The following PACSIN3 variants were observed in gnomAD, a reference collection of about 807,000 sequenced individuals.
The protein encoded by PACSIN3 is protein kinase C and casein kinase substrate in neurons 3.
In PACSIN3, 34 loss-of-function variants were observed where a neutral mutation model predicts 56.1. That is an observed-to-expected ratio of 0.61 (90% CI 0.46 to 0.81). The LOEUF is 0.81. PACSIN3 is among the 30% of genes least tolerant of loss of function. PACSIN3 has a pLI of 0.00. For missense variants in PACSIN3, 535 were observed against 592.4 expected, an observed-to-expected ratio of 0.90 and a Z score of 1.01; for synonymous variants, 218 against 229.8, an observed-to-expected ratio of 0.95 and a Z score of 0.46.
rs1953117355 is a variant in PACSIN3 at position 47,186,187 on chromosome 11, GCGGCTACGGCCCTTC to G, written c.-104+147_-104+161del. ...ACCGCAGATGGGACGGCCCCTCGGC[GCGGCTACGGCCCTTC>G]CCGTCGGCACGCAGAGCGGGGTGGC... On this transcript the variant is annotated intron_variant, in intron 1 of 10. Transcript: ENST00000298838. The surrounding 1 kb of genome is among the most constrained non-coding windows in gnomAD (Gnocchi z 4.5). Among the ~76,000 whole-genome samples, 2 of 151,934 alleles carry G rather than the reference GCGGCTACGGCCCTTC, an allele frequency of 1.3e-5. No individual in the cohort carries two copies. Among genetic ancestry groups the G allele is most frequent in the Non-Finnish European group, 2.9e-5 (2 of 67,906 alleles).
intron 5 of PACSIN3, 49 bp downstream of exon 5, chr11:47,180,406 A>C: frequency 6.3e-7 from 1 of 1,596,094 alleles, no homozygotes; most frequent in South Asian, 1.1e-5. Flanking sequence ...ATCCCTTGCA[A>C]ACAAACAGGA....
In PACSIN3 at chr11:47,182,668, G is replaced by C; in HGVS notation, c.54+6C>G. ...AAGTAGCTGAGCCCAGGACCCAGCTGCTCACCTCCCAGAAACTGCCCCCTA... is the reference window on the plus strand; with the variant it reads ...AAGTAGCTGAGCCCAGGACCCAGCTCCTCACCTCCCAGAAACTGCCCCCTA... On this transcript the variant is annotated splice_donor_region_variant and intron_variant, in intron 3 of 10. Coordinates refer to ENST00000298838, the MANE Select transcript of PACSIN3 (RefSeq NM_016223.5). 1 of 1,611,058 alleles carries C rather than the reference G, an allele frequency of 6.2e-7. No homozygotes were observed. The highest frequency in any genetic ancestry group is 8.5e-7 in the Non-Finnish European group (1 of 1,178,420).
At chr11:47,183,160 G>C (rs1953061365) in intron 1 of PACSIN3, 91 bp from the exon 2 acceptor site, 1 of 156,606 alleles carries the variant, frequency 6.4e-6, no homozygotes, top group Admixed American at 6.5e-5. Flanking sequence ...GCTGTCAGAA[G>C]CGCCGGATTC....
chr11:47,180,775 G>T (rs573223455), intron 4 of PACSIN3, 85 bp from the exon 5 acceptor site: 2 of 1,090,370 alleles, frequency 1.8e-6, no homozygotes, highest in South Asian at 1.5e-5. Flanking sequence ...AGGCATGGAG[G>T]CATGGGGTAC....
chr11:47,182,639 A>G, intron 3 of PACSIN3, 35 bp downstream of exon 3: 2 of 1,607,408 alleles, frequency 1.2e-6, no homozygotes, highest in South Asian at 2.2e-5. Flanking sequence ...CTCCTCCCCT[A>G]GACAAGTAGC....
intron 4 of PACSIN3, 98 bp from the exon 5 acceptor site, chr11:47,180,788 G>A (rs1283793101): frequency 2.0e-5 from 18 of 886,420 alleles, no homozygotes; most frequent in Non-Finnish European, 2.9e-5. Context: ...TGGGGTACGC[G>A]CATGGGGTGC....
In PACSIN3 at chr11:47,179,937, T is replaced by C. The variant is rs888055035; in HGVS notation, c.603+249A>G. On this transcript the variant is annotated intron_variant, in intron 6 of 10. Transcript: ENST00000298838. This position sits in a 1 kb window ranked among gnomAD's most constrained non-coding sequence, Gnocchi z 4.4. ...AAAGGACACTTCGGGCAAAGGGTAC[T>C]GTGCAAGGAAAAGAGCTGGAAGTTC... 2.6e-5 allele frequency among the ~76,000 whole-genome samples: 4 copies of C among 152,208 alleles called. No homozygotes were observed. The highest frequency in any genetic ancestry group is 5.9e-5 in the Non-Finnish European group (4 of 68,040).
chr11:47,178,304 C>T lies in PACSIN3; in HGVS notation c.1159+62G>A, dbSNP rs1257341900. The T allele has an allele frequency of 1.3e-6, 2 of 1,591,850 alleles. No individual in the cohort carries two copies. The highest frequency in any genetic ancestry group is 2.7e-5 in the African/African-American group (2 of 74,418). Reference sequence around the variant, plus strand: ...AGAAGTGGGTATTTGGCTTCCCTTTCTGACACCCCTGCTCAGGCAGATAAG... The same window carrying T: ...AGAAGTGGGTATTTGGCTTCCCTTTTTGACACCCCTGCTCAGGCAGATAAG... On this transcript the variant is annotated intron_variant, in intron 10 of 10. Coordinates refer to ENST00000298838, the MANE Select transcript of PACSIN3 (RefSeq NM_016223.5). This position sits in a 1 kb window ranked among gnomAD's most constrained non-coding sequence, Gnocchi z 4.2.
chr11:47,181,572 T>G (rs1443286129), intron 4 of PACSIN3, among the ~76,000 whole-genome samples: 1 of 150,926 alleles, frequency 6.6e-6, no homozygotes, highest in East Asian at 2.0e-4. Context: ...GCCTGTAATC[T>G]CAGCACTTTG....
chr11:47,182,527 C>A lies in PACSIN3; in HGVS notation c.87G>T (p.Val29=). The A allele has an allele frequency of 6.2e-7, 1 of 1,613,200 alleles. No individual in the cohort carries two copies. The highest frequency in any genetic ancestry group is 8.5e-7 in the Non-Finnish European group (1 of 1,179,842). The change falls in exon 4 of 11, where the codon GTG becomes GTT. Residue 29 remains valine (V), a synonymous_variant. Coordinates refer to ENST00000298838, the MANE Select transcript of PACSIN3 (RefSeq NM_016223.5). The part of the protein sequence containing the change: ...AGNYRRTVQR[V]EDGHRLCGDL... ...CCCCGCACAGCCGGTGCCCGTCCTC[C>A]ACCCGCTGTACCGTGCGCCTGTAGT... is the stretch of plus-strand genomic sequence containing the variant.
chr11:47,182,848 G>GC, intron 2 of PACSIN3, 84 bp from the exon 3 acceptor site: 3 of 1,000,834 alleles, frequency 3.0e-6, no homozygotes, highest in Non-Finnish European at 1.4e-6. Context: ...CCTGGGCCTC[G>GC]CCCCACTGCC....
In PACSIN3 at chr11:47,179,617, C is replaced by T. The variant is rs535287709; in HGVS notation, c.604-31G>A. On this transcript the variant is annotated intron_variant, in intron 6 of 10. Coordinates refer to ENST00000298838, the MANE Select transcript of PACSIN3 (RefSeq NM_016223.5). The surrounding 1 kb of genome is among the most constrained non-coding windows in gnomAD (Gnocchi z 4.4). ...TGGGAGAGGAGGGGCCTGGTGAGAA[C>T]CAGACCTTCTTCCACCCAGGACTCC... 1 of 1,602,968 alleles carries T rather than the reference C, an allele frequency of 6.2e-7. No individual in the cohort carries two copies. Among genetic ancestry groups the T allele is most frequent in the African/African-American group, 1.3e-5 (1 of 74,734 alleles).
At position 47,180,168 on chromosome 11, in the gene PACSIN3, G is replaced by A. The variant is rs1367059157; in HGVS notation, c.603+18C>T. 1.3e-6 allele frequency: 2 copies of A among 1,598,636 alleles called. No individual in the cohort carries two copies. The highest frequency in any genetic ancestry group is 1.7e-5 in the Admixed American group (1 of 59,952). On this transcript the variant is annotated intron_variant, in intron 6 of 10. Coordinates refer to ENST00000298838, the MANE Select transcript of PACSIN3 (RefSeq NM_016223.5). Reference sequence around the variant, plus strand: ...CGTGCCCTGGGCGGGGGCCAGGGCTGGGACCTGTGGCCTGTACCTTCTCGG... The same window carrying A: ...CGTGCCCTGGGCGGGGGCCAGGGCTAGGACCTGTGGCCTGTACCTTCTCGG...
intron 4 of PACSIN3, among the ~76,000 whole-genome samples, chr11:47,181,142 G>A (rs1953017264): frequency 6.6e-6 from 1 of 151,758 alleles, no homozygotes; most frequent in African/African-American, 2.4e-5. Context: ...GGCGCCTGTA[G>A]TCCCAGCTAC....
At chr11:47,182,786 G>A in intron 2 of PACSIN3, 22 bp from the exon 3 acceptor site, 2 of 1,540,078 alleles carry the variant, frequency 1.3e-6, no homozygotes, top group Non-Finnish European at 1.8e-6. Flanking sequence ...AGAGGGGTAA[G>A]CAGGAAAGCT....
At position 47,179,491 on chromosome 11, in the gene PACSIN3, G is replaced by A. The variant is rs769245550; in HGVS notation, c.699C>T (p.Ala233=). The change falls in exon 7 of 11, where the codon GCC becomes GCT. Residue 233 remains alanine, a synonymous_variant. Coordinates refer to ENST00000298838, the MANE Select transcript of PACSIN3 (RefSeq NM_016223.5). This position sits in a 1 kb window ranked among gnomAD's most constrained non-coding sequence, Gnocchi z 4.4. The part of the protein sequence containing the change: ...DMEQAFETCQ[A]AERQRLLFFK... ...AGAAAAGAAGCCGCTGGCGCTCGGC[G>A]GCCTGGCAGGTCTCAAAGGCCTGTT... The A allele has an allele frequency of 5.0e-6, 8 of 1,613,854 alleles. No individual in the cohort carries two copies. Among genetic ancestry groups the A allele is most frequent in the Admixed American group, 3.3e-5 (2 of 60,000 alleles).
chr11:47,185,395 A>C (rs1345419952), intron 1 of PACSIN3: 1 of 152,228 alleles, frequency 6.6e-6, no homozygotes. Context: ...GCTGCGCCCA[A>C]GGGCTTCTTT....
chr11:47,181,855 T>C (rs1565140261), intron 4 of PACSIN3, among the ~76,000 whole-genome samples: 1 of 151,108 alleles, frequency 6.6e-6, no homozygotes, highest in Non-Finnish European at 1.5e-5. Flanking sequence ...AAATAAATAA[T>C]AAACAAAGGA....
chr11:47,183,932 G>C (rs1222910302), intron 1 of PACSIN3, among the ~76,000 whole-genome samples: 2 of 151,738 alleles, frequency 1.3e-5, no homozygotes, highest in Non-Finnish European at 2.9e-5. Flanking sequence ...TGAGGCATGA[G>C]AATCACTTGA....
Sources: allele counts gnomAD v4.1 joint callset (sites outside exome capture counted in the v4.1 genomes callset), GRCh38; gene constraint gnomAD v4.1.1; non-coding constraint Gnocchi (gnomAD v3.1); transcripts MANE v1.5; gene names NCBI Gene and HGNC (gene_info 2026-07-23, HGNC 2026-07-21).